EIF4G3: variants seen among roughly 807,000 people sequenced by gnomAD.
EIF4G3 encodes the protein eIF-4-gamma 3.
In EIF4G3, 34 loss-of-function variants were observed where a neutral mutation model predicts 186.4. The observed-to-expected ratio is 0.18, with a 90% CI of 0.14 to 0.24. EIF4G3 has a LOEUF of 0.24. Among genes scored for constraint, EIF4G3 ranks in the 10% least tolerant of loss-of-function variants. The pLI is 1.00. For missense variants in EIF4G3, 1,536 were observed against 1,948.5 expected, an observed-to-expected ratio of 0.79 and a Z score of 3.99; for synonymous variants, 673 against 679.5, an observed-to-expected ratio of 0.99 and a Z score of 0.15.
At chr1:21,061,286 T>C (rs1032103635) in intron 3 of EIF4G3, among the ~76,000 whole-genome samples, 1 of 152,178 alleles carries the variant, frequency 6.6e-6, no homozygotes, top group Non-Finnish European at 1.5e-5. Context: ...ATGATCATTT[T>C]CCTTGAGCAT....
At chr1:21,099,596 T>C (rs985835819) in intron 2 of EIF4G3, among the ~76,000 whole-genome samples, 8 of 152,192 alleles carry the variant, frequency 5.3e-5, no homozygotes, top group Non-Finnish European at 8.8e-5. Flanking sequence ...TCCATTTATA[T>C]AATATACTAG....
At chr1:21,083,750 T>A (rs1330721208) in intron 3 of EIF4G3, among the ~76,000 whole-genome samples, 1 of 152,220 alleles carries the variant, frequency 6.6e-6, no homozygotes, top group Non-Finnish European at 1.5e-5. Flanking sequence ...GTAAACTGCA[T>A]GACAGGCAGT....
At chr1:20,838,073 G>T (rs895114603) in intron 30 of EIF4G3, among the ~76,000 whole-genome samples, 6 of 152,184 alleles carry the variant, frequency 3.9e-5, no homozygotes, top group African/African-American at 1.2e-4. Context: ...ATAAAAGGTA[G>T]TAGTGTGGTA....
At chr1:20,911,473 G>A (rs2093186272) in intron 14 of EIF4G3, among the ~76,000 whole-genome samples, 1 of 145,800 alleles carries the variant, frequency 6.9e-6, no homozygotes, top group African/African-American at 2.6e-5. Context: ...AAAGTAGGTG[G>A]ATCACTTGAG....
intron 2 of EIF4G3, among the ~76,000 whole-genome samples, chr1:21,166,730 C>CA (rs1399096600): frequency 6.6e-6 from 1 of 151,550 alleles, no homozygotes; most frequent in East Asian, 1.9e-4. Context: ...AAGACTGTCT[C>CA]AAAAAAATAA....
chr1:21,073,491 A>G (rs560206509), intron 3 of EIF4G3: 14 of 290,636 alleles, frequency 4.8e-5, no homozygotes, highest in South Asian at 2.2e-4. Flanking sequence ...TGCAATATCT[A>G]TTGGGAAGGT....
intron 20 of EIF4G3, among the ~76,000 whole-genome samples, chr1:20,878,492 G>A: frequency 6.6e-6 from 1 of 152,052 alleles, no homozygotes. Context: ...ATTCCTTTAA[G>A]ACAGAAGATG....
intron 2 of EIF4G3, among the ~76,000 whole-genome samples, chr1:21,136,076 G>A (rs181973004): frequency 0.013 from 1,903 of 152,046 alleles, 39 homozygotes; most frequent in African/African-American, 0.042. Context: ...CCAGCTACTC[G>A]GGAGGCTGAG....
At chr1:20,853,316 C>A (rs558071075) in intron 27 of EIF4G3, among the ~76,000 whole-genome samples, 78 of 152,268 alleles carry the variant, frequency 5.1e-4, no homozygotes, top group Non-Finnish European at 9.1e-4. Context: ...CCTAGACATG[C>A]CTCCAGGGCT....
At chr1:20,984,252 A>G (rs989933467) in intron 7 of EIF4G3, among the ~76,000 whole-genome samples, 6 of 151,310 alleles carry the variant, frequency 4.0e-5, no homozygotes, top group Non-Finnish European at 5.9e-5. Context: ...TGCAACCTCC[A>G]CTTCCTGGGT....
intron 2 of EIF4G3, among the ~76,000 whole-genome samples, chr1:21,125,671 A>G (rs1366416535): frequency 2.0e-5 from 3 of 151,836 alleles, no homozygotes; most frequent in East Asian, 3.9e-4. Flanking sequence ...GTGAGCCGAG[A>G]TTGTGCCATT....
intron 12 of EIF4G3, among the ~76,000 whole-genome samples, chr1:20,961,611 A>C (rs1433205068): frequency 1.3e-5 from 2 of 152,200 alleles, no homozygotes; most frequent in Admixed American, 6.5e-5. Flanking sequence ...TTCCTCTATC[A>C]AACCATATAG....
At chr1:20,849,205 A>G (rs542366557) in intron 29 of EIF4G3, among the ~76,000 whole-genome samples, 1 of 152,118 alleles carries the variant, frequency 6.6e-6, no homozygotes, top group Admixed American at 6.6e-5. Context: ...CTCTCTGCCC[A>G]CCACTCTATG....
chr1:21,100,352 T>C (rs561052493), intron 2 of EIF4G3, among the ~76,000 whole-genome samples: 5 of 152,320 alleles, frequency 3.3e-5, no homozygotes, highest in East Asian at 1.9e-4. Flanking sequence ...TACATTTTAA[T>C]TGGCTGAATT....
intron 14 of EIF4G3, among the ~76,000 whole-genome samples, chr1:20,940,808 A>G (rs1357075418): frequency 2.0e-5 from 3 of 152,174 alleles, no homozygotes; most frequent in African/African-American, 4.8e-5. Flanking sequence ...CAATAACCCA[A>G]TGGTTAGTTC....
chr1:20,944,384 G>A (rs1044072171), intron 13 of EIF4G3, among the ~76,000 whole-genome samples: 2 of 151,920 alleles, frequency 1.3e-5, no homozygotes, highest in African/African-American at 2.4e-5. Context: ...GTGAGGTGGC[G>A]CAGACCTGTA....
chr1:20,978,328 A>G (rs2077267227), intron 10 of EIF4G3, among the ~76,000 whole-genome samples: 1 of 152,214 alleles, frequency 6.6e-6, no homozygotes, highest in African/African-American at 2.4e-5. Flanking sequence ...ACATATATGT[A>G]ACACATTATT....
intron 22 of EIF4G3, among the ~76,000 whole-genome samples, chr1:20,863,291 G>C (rs2076752583): frequency 6.6e-6 from 1 of 150,884 alleles, no homozygotes; most frequent in Non-Finnish European, 1.5e-5. Flanking sequence ...CTAGCAATTA[G>C]GGAGGCCAAG....
At chr1:21,110,856 T>C (rs1295182137) in intron 2 of EIF4G3, among the ~76,000 whole-genome samples, 5 of 152,218 alleles carry the variant, frequency 3.3e-5, no homozygotes, top group African/African-American at 1.2e-4. Context: ...CGTGAGCCAC[T>C]GCGCCCAGAC....
Sources: allele counts gnomAD v4.1 joint callset (sites outside exome capture counted in the v4.1 genomes callset), GRCh38; gene constraint gnomAD v4.1.1; transcripts MANE v1.5; gene names NCBI Gene and HGNC (gene_info 2026-07-23, HGNC 2026-07-21).